The following AFAP1 variants were observed in gnomAD, a reference collection of about 807,000 sequenced individuals.
The protein encoded by AFAP1 is actin filament associated protein 1.
A neutral mutation model predicts 93.9 loss-of-function variants in AFAP1; 75 were observed. That is an observed-to-expected ratio of 0.80 (90% CI 0.66 to 0.97). The LOEUF is 0.97. AFAP1 is among the 50% of genes least tolerant of loss of function. AFAP1 has a pLI of 0.00. For synonymous variants in AFAP1, 517 were observed against 430.7 expected, an observed-to-expected ratio of 1.20 and a Z score of -2.48; for missense variants, 1,201 against 1,050.8, an observed-to-expected ratio of 1.14 and a Z score of -1.98.
chr4:7,888,510 T>C (rs76429542), intron 1 of AFAP1, among the ~76,000 whole-genome samples: 2 of 152,134 alleles, frequency 1.3e-5, no homozygotes, highest in East Asian at 3.9e-4. Context: ...AAAACATGGA[T>C]GAAATGGGCA....
chr4:7,820,606 CGAGA>C (rs200217870), intron 6 of AFAP1, among the ~76,000 whole-genome samples: 1 of 151,358 alleles, frequency 6.6e-6, no homozygotes, highest in Non-Finnish European at 1.5e-5. Flanking sequence ...GGAGATGAGC[CGAGA>C]GAGAGAGAGA....
intron 2 of AFAP1, among the ~76,000 whole-genome samples, chr4:7,871,038 C>T (rs1479045211): frequency 1.3e-5 from 2 of 152,142 alleles, no homozygotes; most frequent in African/African-American, 4.8e-5. Context: ...CAGGAACTGC[C>T]CCTCGGACCT....
chr4:7,880,404 T>C (rs1446141740), intron 1 of AFAP1, among the ~76,000 whole-genome samples: 1 of 150,882 alleles, frequency 6.6e-6, no homozygotes, highest in Non-Finnish European at 1.5e-5. Flanking sequence ...CTCAGCCTCC[T>C]GAGTAGCTGG....
intron 1 of AFAP1, among the ~76,000 whole-genome samples, chr4:7,872,464 T>A (rs538772982): frequency 2.6e-5 from 4 of 152,390 alleles, no homozygotes; most frequent in African/African-American, 7.2e-5. Flanking sequence ...CAGTAGGGCA[T>A]GGTTTCAGAA....
chr4:7,768,529 C>T (rs763162767), intron 17 of AFAP1, among the ~76,000 whole-genome samples: 4 of 152,068 alleles, frequency 2.6e-5, no homozygotes, highest in Non-Finnish European at 4.4e-5. Flanking sequence ...TAATCTCCAC[C>T]GCACCACTGA....
intron 4 of AFAP1, among the ~76,000 whole-genome samples, chr4:7,853,638 C>A (rs1432243992): frequency 6.6e-6 from 1 of 152,204 alleles, no homozygotes; most frequent in African/African-American, 2.4e-5. Flanking sequence ...TCAATAAACT[C>A]TTCCCTCCAT....
At chr4:7,894,455 G>C (rs529035021) in intron 1 of AFAP1, among the ~76,000 whole-genome samples, 2 of 152,208 alleles carry the variant, frequency 1.3e-5, no homozygotes, top group Admixed American at 1.3e-4. Context: ...TAGCACAGAG[G>C]AGCGTGAATT....
At chr4:7,802,748 C>T (rs1186318802) in intron 9 of AFAP1, among the ~76,000 whole-genome samples, 1 of 150,080 alleles carries the variant, frequency 6.7e-6, no homozygotes, top group Admixed American at 6.7e-5. Context: ...CTCCCGGGTT[C>T]ACGCCATTCT....
intron 1 of AFAP1, among the ~76,000 whole-genome samples, chr4:7,929,571 C>G (rs780072870): frequency 5.3e-5 from 8 of 152,336 alleles, no homozygotes; most frequent in Admixed American, 2.0e-4. Context: ...GCCTGCCCCC[C>G]TTCCTCCCTT....
At chr4:7,928,283 AC>A (rs1244703738) in intron 1 of AFAP1, among the ~76,000 whole-genome samples, 55 of 152,094 alleles carry the variant, frequency 3.6e-4, no homozygotes, top group Non-Finnish European at 7.4e-4. Flanking sequence ...AACAAATCCC[AC>A]CTGATTCCTC....
At position 7,853,576 on chromosome 4, in the gene AFAP1, C is replaced by G. The variant is rs569261016; in HGVS notation, c.334+1890G>C. On this transcript the variant is annotated intron_variant, in intron 4 of 17. Coordinates refer to ENST00000420658, the MANE Select transcript of AFAP1 (RefSeq NM_001134647.2). ...CCGACCAGACACAGCAGAAACTGCC[C>G]GTGCTTCTTCCAGGGAAGAAGTTCT... 7.2e-5 allele frequency among the ~76,000 whole-genome samples: 11 copies of G among 152,284 alleles called. No individual in the cohort carries two copies. The South Asian group carries it at 1.0e-3, about 14-fold the overall frequency.
At chr4:7,919,845 T>C (rs1720337658) in intron 1 of AFAP1, among the ~76,000 whole-genome samples, 1 of 151,918 alleles carries the variant, frequency 6.6e-6, no homozygotes, top group African/African-American at 2.4e-5. Flanking sequence ...CCTCCCTGTG[T>C]CCATGTGTTC....
intron 1 of AFAP1, among the ~76,000 whole-genome samples, chr4:7,911,545 C>A (rs957635897): frequency 2.6e-5 from 4 of 152,226 alleles, no homozygotes; most frequent in African/African-American, 9.6e-5. Context: ...TTTCACCATG[C>A]CCCTCATCCG....
chr4:7,935,090 T>C (rs1270962979), intron 1 of AFAP1, among the ~76,000 whole-genome samples: 1 of 152,212 alleles, frequency 6.6e-6, no homozygotes, highest in Non-Finnish European at 1.5e-5. Flanking sequence ...GACTTCTCTG[T>C]ACATTAAACA....
chr4:7,797,971 G>A (rs1718600470), intron 10 of AFAP1, among the ~76,000 whole-genome samples: 1 of 152,236 alleles, frequency 6.6e-6, no homozygotes, highest in Admixed American at 6.5e-5. Flanking sequence ...TATGGGTGAA[G>A]GGCGCACAGG....
At chr4:7,930,210 C>T (rs1006693823) in intron 1 of AFAP1, among the ~76,000 whole-genome samples, 1 of 152,242 alleles carries the variant, frequency 6.6e-6, no homozygotes, top group Non-Finnish European at 1.5e-5. Flanking sequence ...AAGAGACGCA[C>T]AGGGCACACC....
rs185378918 is a variant in AFAP1, at chr4:7,862,985, G to C, written c.225+5637C>G. Among the ~76,000 whole-genome samples, 275 of 152,310 alleles carry C rather than the reference G, an allele frequency of 1.8e-3. 1 individual carries two copies. The highest frequency in any genetic ancestry group is 6.4e-3 in the African/African-American group (268 of 41,564). On this transcript the variant is annotated intron_variant, in intron 3 of 17. Coordinates refer to ENST00000420658, the MANE Select transcript of AFAP1 (RefSeq NM_001134647.2). ...CTTGCGAGCTGGGCAGTGGGTCACGGCAGCCAGCGTCAGCACAGATGGGAT... is the reference window on the plus strand; with the variant it reads ...CTTGCGAGCTGGGCAGTGGGTCACGCCAGCCAGCGTCAGCACAGATGGGAT...
At chr4:7,873,825 G>T (rs1462462991) in intron 1 of AFAP1, among the ~76,000 whole-genome samples, 3 of 152,160 alleles carry the variant, frequency 2.0e-5, no homozygotes, top group Admixed American at 6.5e-5. Context: ...GTGAATGACA[G>T]GCAAACTGCA....
chr4:7,792,260 C>T (rs1405364703), intron 11 of AFAP1, among the ~76,000 whole-genome samples: 1 of 152,162 alleles, frequency 6.6e-6, no homozygotes, highest in African/African-American at 2.4e-5. Flanking sequence ...AAAATCCAGT[C>T]GTTTATCTTG....
Sources: allele counts gnomAD v4.1 joint callset (sites outside exome capture counted in the v4.1 genomes callset), GRCh38; gene constraint gnomAD v4.1.1; transcripts MANE v1.5; gene names NCBI Gene and HGNC (gene_info 2026-07-23, HGNC 2026-07-21).